Variants in NEBL observed in about 807,000 individuals in gnomAD.
The protein encoded by NEBL is nebulette, also known as LIM and SH3 protein 2.
In NEBL, 122 loss-of-function variants were observed where a neutral mutation model predicts 140.2. That is an observed-to-expected ratio of 0.87 (90% CI 0.75 to 1.01). The LOEUF is 1.01. Among genes scored for constraint, NEBL ranks in the 50% least tolerant of loss-of-function variants. The probability of loss-of-function intolerance (pLI) is 0.00; values close to 1 mark genes in which losing one functional copy is unlikely to be tolerated. For missense variants in NEBL, 1,365 were observed against 1,231.3 expected (o/e 1.11, Z -1.62); for synonymous variants, 436 against 398.9 (o/e 1.09, Z -1.11).
intron 6 of NEBL, among the ~76,000 whole-genome samples, chr10:20,869,131 G>A (rs1016862531): frequency 1.3e-5 from 2 of 152,116 alleles, no homozygotes; most frequent in African/African-American, 4.8e-5. Context: ...AACTGTTCTG[G>A]CCATACTTGA....
intron 16 of NEBL, among the ~76,000 whole-genome samples, chr10:20,829,093 A>T (rs1840157134): frequency 6.6e-6 from 1 of 152,216 alleles, no homozygotes; most frequent in Non-Finnish European, 1.5e-5. Flanking sequence ...AGATACTATT[A>T]TTATTTCCAT....
Position 21,110,888 on chromosome 10 carries a change from C to A in NEBL, c.164+61495G>T, listed in dbSNP as rs1343336138. ...AGTCCAATTAAAGTAACACTGCCAA[C>A]TTTGAAAATGTCTGTACAAAATCAA... On this transcript the variant is annotated intron_variant, in intron 2 of 6. Coordinates refer to the NEBL transcript ENST00000417816. The A allele has an allele frequency of 1.2e-5, 7 of 592,792 alleles. No individual in the cohort carries two copies. In the Admixed American group the frequency reaches 1.4e-4, roughly 12 times the overall value. The allele number at this position is 592,792 out of a possible 1,614,324, so 36.7% of individuals were successfully genotyped here.
At chr10:21,019,945 G>A (rs1314968355) in intron 3 of NEBL, among the ~76,000 whole-genome samples, 1 of 152,190 alleles carries the variant, frequency 6.6e-6, no homozygotes, top group Middle Eastern at 3.2e-3. Flanking sequence ...TCAAGACCGG[G>A]AACAGTACAG....
intron 4 of NEBL, among the ~76,000 whole-genome samples, chr10:20,953,540 G>A (rs1367889139): frequency 7.2e-6 from 1 of 138,484 alleles, no homozygotes; most frequent in Non-Finnish European, 1.5e-5. Flanking sequence ...TAGGCTCTTG[G>A]ATTAGACACC....
At chr10:20,952,945 A>G (rs1210709825) in intron 4 of NEBL, among the ~76,000 whole-genome samples, 1 of 151,420 alleles carries the variant, frequency 6.6e-6, no homozygotes, top group East Asian at 1.9e-4. Context: ...AAAAGAAAAG[A>G]AAAGAAAAGA....
intron 4 of NEBL, among the ~76,000 whole-genome samples, chr10:20,909,930 A>G (rs1035192065): frequency 1.3e-5 from 2 of 152,216 alleles, no homozygotes; most frequent in Non-Finnish European, 2.9e-5. Context: ...ATACTTGCCT[A>G]GTATCAAAGC....
At chr10:21,146,225 G>A (rs1839885467) in intron 2 of NEBL, 1 of 769,838 alleles carries the variant, frequency 1.3e-6, no homozygotes. Flanking sequence ...TCATGCAGAG[G>A]GTACTCCGTT....
At chr10:20,809,086 A>G (rs1036790347) in intron 25 of NEBL, among the ~76,000 whole-genome samples, 25 of 152,200 alleles carry the variant, frequency 1.6e-4, no homozygotes, top group African/African-American at 6.0e-4. Flanking sequence ...TAAAAGTACT[A>G]GAATTCCTGC....
chr10:21,264,014 G>A (rs1413244860), intron 1 of NEBL, among the ~76,000 whole-genome samples: 3 of 152,170 alleles, frequency 2.0e-5, no homozygotes, highest in African/African-American at 7.2e-5. Flanking sequence ...ACCATGGCAG[G>A]AGTAGGAGGG....
chr10:21,054,760 T>C (rs1451678228), intron 2 of NEBL, among the ~76,000 whole-genome samples: 1 of 152,214 alleles, frequency 6.6e-6, no homozygotes, highest in Non-Finnish European at 1.5e-5. Context: ...TTTTATTTTA[T>C]TGAAACTCTG....
chr10:20,802,069 CAT>C (rs1263016535), intron 26 of NEBL, among the ~76,000 whole-genome samples: 4 of 152,202 alleles, frequency 2.6e-5, no homozygotes, highest in African/African-American at 9.7e-5. Flanking sequence ...AACAGAAACA[CAT>C]AGCATACCTG....
At chr10:21,115,208 G>C (rs1462173341) in intron 2 of NEBL, among the ~76,000 whole-genome samples, 2 of 151,748 alleles carry the variant, frequency 1.3e-5, no homozygotes, top group African/African-American at 2.4e-5. Flanking sequence ...CCTGGCCTTT[G>C]TGCTACTATT....
At chr10:20,913,803 A>T (rs1309531677) in intron 4 of NEBL, among the ~76,000 whole-genome samples, 1 of 152,202 alleles carries the variant, frequency 6.6e-6, no homozygotes, top group Non-Finnish European at 1.5e-5. Context: ...ATCTTATAGT[A>T]TTTGTTTATA....
upstream of NEBL, among the ~76,000 whole-genome samples, chr10:21,177,874 C>T (rs1589316957): frequency 2.6e-5 from 4 of 152,198 alleles, no homozygotes; most frequent in African/African-American, 9.6e-5. Context: ...AGTGTAGTGG[C>T]CAATAAAGTA....
chr10:21,003,652 GT>G (rs1838000311), intron 3 of NEBL, among the ~76,000 whole-genome samples: 1 of 152,120 alleles, frequency 6.6e-6, no homozygotes, highest in Non-Finnish European at 1.5e-5. Context: ...ATCGACTTCG[GT>G]TGTACACATC....
intron 2 of NEBL, among the ~76,000 whole-genome samples, chr10:21,063,959 C>T (rs1027747419): frequency 2.0e-5 from 3 of 151,928 alleles, no homozygotes; most frequent in African/African-American, 7.2e-5. Flanking sequence ...GGGTTCCTAG[C>T]TACCAGGAAG....
At chr10:20,988,522 G>A (rs996430281) in intron 3 of NEBL, among the ~76,000 whole-genome samples, 7 of 152,120 alleles carry the variant, frequency 4.6e-5, no homozygotes, top group Middle Eastern at 3.4e-3. Context: ...CCTCCATTGT[G>A]CAATAAGTCC....
intron 2 of NEBL, among the ~76,000 whole-genome samples, chr10:21,152,685 T>C (rs565380908): frequency 6.6e-6 from 1 of 152,136 alleles, no homozygotes; most frequent in Non-Finnish European, 1.5e-5. Flanking sequence ...CATCAAGTAA[T>C]ATTATACTTG....
upstream of NEBL, among the ~76,000 whole-genome samples, chr10:21,177,377 G>T (rs1299308720): frequency 6.6e-6 from 1 of 152,156 alleles, no homozygotes; most frequent in African/African-American, 2.4e-5. Context: ...AGAAATAATT[G>T]TTATAAGTCA....
Sources: allele counts gnomAD v4.1 joint callset (sites outside exome capture counted in the v4.1 genomes callset), GRCh38; gene constraint gnomAD v4.1.1; transcripts MANE v1.5; gene names NCBI Gene and HGNC (gene_info 2026-07-23, HGNC 2026-07-21).